Variants in DISC1 observed in about 807,000 individuals in gnomAD.
The protein encoded by DISC1 is disrupted in schizophrenia 1 protein.
In DISC1, 57 loss-of-function variants were observed where a neutral mutation model predicts 84.5. The observed-to-expected ratio is 0.67, with a 90% CI of 0.55 to 0.84. DISC1 has a LOEUF of 0.84. DISC1 is among the 40% of genes least tolerant of loss of function. DISC1 has a pLI of 0.00. For missense variants in DISC1, 1,000 were observed against 1,057.8 expected, an observed-to-expected ratio of 0.95 and a Z score of 0.76; for synonymous variants, 411 against 415.2, an observed-to-expected ratio of 0.99 and a Z score of 0.12.
At chr1:231,722,307 G>C (rs2069890618) in intron 3 of DISC1, among the ~76,000 whole-genome samples, 2 of 152,142 alleles carry the variant, frequency 1.3e-5, no homozygotes, top group Non-Finnish European at 2.9e-5. Flanking sequence ...AAAAAACACA[G>C]TATGCTAGAG....
chr1:231,895,449 A>AT (rs1425488311), intron 9 of DISC1, among the ~76,000 whole-genome samples: 2 of 151,964 alleles, frequency 1.3e-5, no homozygotes, highest in Non-Finnish European at 2.9e-5. Flanking sequence ...TATATATGAG[A>AT]GAGATAAATA....
chr1:231,789,173 G>T (rs1459514205), intron 6 of DISC1, among the ~76,000 whole-genome samples: 1 of 152,206 alleles, frequency 6.6e-6, no homozygotes, highest in African/African-American at 2.4e-5. Context: ...AGTCAGGCCA[G>T]CCTCACTGAG....
At chr1:231,699,295 T>C (rs556421482) in intron 2 of DISC1, among the ~76,000 whole-genome samples, 1 of 152,266 alleles carries the variant, frequency 6.6e-6, no homozygotes, top group African/African-American at 2.4e-5. Flanking sequence ...TAGCATCCTA[T>C]ACATGGATGC....
rs764356482 is a variant in DISC1 at position 231,958,808 on chromosome 1, A to G, written c.1982-20A>G. 1.2e-6 allele frequency: 2 copies of G among 1,611,620 alleles called. No homozygotes were observed. Among genetic ancestry groups the G allele is most frequent in the East Asian group, 4.5e-5 (2 of 44,854 alleles). The stretch of plus-strand genomic sequence containing the variant: ...GTGACTGCAGTTGCATTAACTTTGG[A>G]TTTCCTTTTTTTCCCCCAGAAACAA... On this transcript the variant is annotated intron_variant, in intron 9 of 12. Transcript: ENST00000439617.
At chr1:231,760,325 G>A (rs547211145) in intron 4 of DISC1, among the ~76,000 whole-genome samples, 1 of 152,134 alleles carries the variant, frequency 6.6e-6, no homozygotes, top group African/African-American at 2.4e-5. Context: ...CACTTCATTG[G>A]TTCTATGACT....
intron 12 of DISC1, among the ~76,000 whole-genome samples, chr1:232,029,788 A>G (rs1262423007): frequency 6.6e-6 from 1 of 152,222 alleles, no homozygotes. Context: ...CCATGTGTGT[A>G]CATAAGGGCT....
intron 6 of DISC1, among the ~76,000 whole-genome samples, chr1:231,776,807 G>A (rs963658244): frequency 2.6e-5 from 4 of 152,222 alleles, no homozygotes; most frequent in African/African-American, 9.6e-5. Flanking sequence ...AGAGTGAGGA[G>A]ACAGTGAAAC....
chr1:231,775,446 G>A (rs961990023), intron 6 of DISC1, among the ~76,000 whole-genome samples: 3 of 152,156 alleles, frequency 2.0e-5, no homozygotes, highest in Admixed American at 6.6e-5. Context: ...AGTGATTTTC[G>A]GTTTGGGTGT....
At chr1:231,811,790 G>A (rs569613048) in intron 8 of DISC1, among the ~76,000 whole-genome samples, 69 of 152,278 alleles carry the variant, frequency 4.5e-4, no homozygotes, top group African/African-American at 1.6e-3. Context: ...GAGATCAGAA[G>A]AAACAAGTTC....
chr1:231,833,202 G>A (rs1189662979), intron 9 of DISC1, among the ~76,000 whole-genome samples: 7 of 150,628 alleles, frequency 4.6e-5, no homozygotes, highest in East Asian at 3.9e-4. Context: ...TGGACAGGTG[G>A]GGACAATTAA....
chr1:232,021,160 T>A (rs1489942681), intron 11 of DISC1, among the ~76,000 whole-genome samples: 1 of 152,176 alleles, frequency 6.6e-6, no homozygotes, highest in African/African-American at 2.4e-5. Context: ...CTTACCTGCC[T>A]CTCATGATTT....
intron 6 of DISC1, among the ~76,000 whole-genome samples, chr1:231,776,306 T>A (rs1049501841): frequency 6.6e-6 from 1 of 152,228 alleles, no homozygotes; most frequent in Non-Finnish European, 1.5e-5. Context: ...GGGGTTGAGT[T>A]CTTCATTCCT....
rs372839624 is a variant in DISC1 at position 231,846,487 on chromosome 1, C to T, written c.1981+27970C>T. Among the ~76,000 whole-genome samples, 21 of 152,346 alleles carry T rather than the reference C, an allele frequency of 1.4e-4. No homozygotes were observed. In the South Asian group the frequency reaches 4.1e-3, roughly 30 times the overall value. Reference sequence around the variant, plus strand: ...GGTGGAAAAAGAGTCTCTGTCCTAGCTTTTCAGCGACCTTTTCAAAAGGAA... The same window carrying T: ...GGTGGAAAAAGAGTCTCTGTCCTAGTTTTTCAGCGACCTTTTCAAAAGGAA... On this transcript the variant is annotated intron_variant, in intron 9 of 12. Transcript: ENST00000439617.
intron 9 of DISC1, among the ~76,000 whole-genome samples, chr1:231,872,094 G>A (rs1213206994): frequency 6.6e-6 from 1 of 152,238 alleles, no homozygotes; most frequent in Non-Finnish European, 1.5e-5. Context: ...TCGGTGAACA[G>A]CGTGAAGACA....
chr1:231,878,401 A>AC, intron 9 of DISC1, among the ~76,000 whole-genome samples: 1 of 152,226 alleles, frequency 6.6e-6, no homozygotes, highest in East Asian at 1.9e-4. Flanking sequence ...AGAGCACCAG[A>AC]CCCTCTGAAC....
intron 9 of DISC1, among the ~76,000 whole-genome samples, chr1:231,956,095 C>A (rs1005663879): frequency 2.6e-5 from 4 of 152,148 alleles, no homozygotes; most frequent in Admixed American, 2.0e-4. Context: ...GCCCTGCCCC[C>A]CAATGTGGAG....
At chr1:231,856,378 G>A (rs4546903) in intron 9 of DISC1, among the ~76,000 whole-genome samples, 26,512 of 152,060 alleles carry the variant, frequency 0.17, 2,436 homozygotes, top group Middle Eastern at 0.3. Context: ...CCATTAAAAT[G>A]CAGTTGGTAA....
intron 1 of DISC1, among the ~76,000 whole-genome samples, chr1:231,666,652 A>G (rs1042605049): frequency 1.3e-5 from 2 of 152,106 alleles, no homozygotes; most frequent in African/African-American, 2.4e-5. Context: ...ACCCCTCCCT[A>G]CATACACTTC....
chr1:231,713,828 G>GATATATATAGGAGATATAT (rs1428497282), intron 3 of DISC1, among the ~76,000 whole-genome samples: 5 of 138,766 alleles, frequency 3.6e-5, no homozygotes, highest in African/African-American at 1.1e-4. Flanking sequence ...ATATAGGAGA[G>GATATATATAGGAGATATAT]ATATATATAG....
Sources: gnomAD v4.1 joint callset for allele counts (sites outside exome capture counted in the v4.1 genomes callset) on GRCh38, gnomAD v4.1.1 for gene constraint, MANE v1.5 for transcripts, NCBI Gene and HGNC (gene_info 2026-07-23, HGNC 2026-07-21) for gene names.